MYRFL: variants seen among roughly 807,000 people sequenced by gnomAD.
The protein encoded by MYRFL is myelin regulatory factor like.
Under a neutral mutation model 109.4 loss-of-function variants are expected in MYRFL, and 88 were observed. That is an observed-to-expected ratio of 0.80 (90% CI 0.68 to 0.96). The LOEUF (loss-of-function observed/expected upper bound fraction) is 0.96, where lower values mean the gene tolerates loss of function less well. Among genes scored for constraint, MYRFL ranks in the 40% least tolerant of loss-of-function variants. The pLI, the probability that MYRFL is intolerant of heterozygous loss-of-function variation, is 0.00. For missense variants in MYRFL, 957 were observed against 954.9 expected, an observed-to-expected ratio of 1.00 and a Z score of -0.03; for synonymous variants, 324 against 320.9, an observed-to-expected ratio of 1.01 and a Z score of -0.10.
At chr12:69,956,673 C>T (rs568204664) in intron 22 of MYRFL, among the ~76,000 whole-genome samples, 5 of 152,104 alleles carry the variant, frequency 3.3e-5, no homozygotes, top group Admixed American at 2.6e-4. Flanking sequence ...TCTGCCTCTT[C>T]CTCCGTCTTA....
chr12:69,858,793 T>C (rs1320254754), intron 2 of MYRFL, among the ~76,000 whole-genome samples: 1 of 151,930 alleles, frequency 6.6e-6, no homozygotes, highest in Non-Finnish European at 1.5e-5. Context: ...ATAGGTAGCT[T>C]TTGATGTCAT....
chr12:69,861,452 A>G (rs940504921), intron 2 of MYRFL, among the ~76,000 whole-genome samples: 2 of 152,162 alleles, frequency 1.3e-5, no homozygotes, highest in African/African-American at 4.8e-5. Flanking sequence ...AACTGGTGTG[A>G]GATGGTATCT....
chr12:69,940,600 C>T (rs1184778368), intron 19 of MYRFL, among the ~76,000 whole-genome samples: 11 of 151,702 alleles, frequency 7.3e-5, no homozygotes, highest in Middle Eastern at 3.2e-3. Flanking sequence ...GCAAAATCAT[C>T]GAGGCTAGGA....
intron 2 of MYRFL, among the ~76,000 whole-genome samples, chr12:69,874,017 C>G (rs1256307775): frequency 1.3e-5 from 2 of 152,146 alleles, no homozygotes; most frequent in African/African-American, 4.8e-5. Context: ...TATTGTACCA[C>G]TTTACATAAA....
chr12:69,911,004 G>A (rs574150871), intron 13 of MYRFL, 74 bp downstream of exon 13: 9 of 1,000,474 alleles, frequency 9.0e-6, no homozygotes, highest in Non-Finnish European at 1.2e-5. Flanking sequence ...ATAGCACAAT[G>A]GGCTGAAACA....
rs139893210 is a variant in MYRFL, at chr12:69,866,809, G to A, written c.137+11439G>A. On this transcript the variant is annotated intron_variant, in intron 2 of 24. Transcript: ENST00000552032. ...GGACCAAATGCTCTATAAAAAACTT[G>A]TCCCATTAGATGCTGTGAGGAAAAA... Among the ~76,000 whole-genome samples, 282 of 152,250 alleles carry A rather than the reference G, an allele frequency of 1.9e-3. 2 individuals are homozygous for A. The highest frequency in any genetic ancestry group is 6.7e-3 in the African/African-American group (277 of 41,540).
intron 1 of MYRFL, among the ~76,000 whole-genome samples, chr12:69,838,421 T>C (rs1376208646): frequency 6.6e-6 from 1 of 152,184 alleles, no homozygotes; most frequent in East Asian, 1.9e-4. Flanking sequence ...GACTTTCTAA[T>C]AGGCCAAACC....
intron 1 of MYRFL, among the ~76,000 whole-genome samples, chr12:69,848,804 A>T (rs915613468): frequency 6.6e-6 from 1 of 152,224 alleles, no homozygotes; most frequent in Non-Finnish European, 1.5e-5. Context: ...TATTTCTAAC[A>T]TTAATGAAAA....
At chr12:69,830,100 T>C (rs1226001732) in intron 1 of MYRFL, among the ~76,000 whole-genome samples, 1 of 152,086 alleles carries the variant, frequency 6.6e-6, no homozygotes, top group African/African-American at 2.4e-5. Flanking sequence ...CTTACACCTC[T>C]GTAGAGTCTT....
chr12:69,861,850 T>C (rs1377958639), intron 2 of MYRFL, among the ~76,000 whole-genome samples: 1 of 151,456 alleles, frequency 6.6e-6, no homozygotes, highest in African/African-American at 2.4e-5. Flanking sequence ...TGGTAATGCC[T>C]AGGTTTTCTT....
At chr12:69,891,639 TTC>T (rs1391515046) in intron 7 of MYRFL, among the ~76,000 whole-genome samples, 1 of 71,294 alleles carries the variant, frequency 1.4e-5, no homozygotes, top group Non-Finnish European at 2.8e-5. Context: ...TCCTTTCTTT[TTC>T]TTTCTTTCTT....
chr12:69,882,318 AG>A (rs1211037884), intron 5 of MYRFL, among the ~76,000 whole-genome samples: 1 of 145,530 alleles, frequency 6.9e-6, no homozygotes, highest in Non-Finnish European at 1.5e-5. Context: ...AAAGAAAGAA[AG>A]AAAAAAAAGA....
intron 19 of MYRFL, among the ~76,000 whole-genome samples, chr12:69,948,089 A>G (rs1152954): frequency 0.2 from 30,038 of 152,134 alleles, 3,484 homozygotes; most frequent in Non-Finnish European, 0.27. Context: ...ACTGGAAGGC[A>G]TTTGTAAAAT....
intron 1 of MYRFL, among the ~76,000 whole-genome samples, chr12:69,846,060 A>T (rs1883511300): frequency 7.5e-6 from 1 of 133,890 alleles, no homozygotes; most frequent in African/African-American, 2.8e-5. Context: ...TCCTTGCCTT[A>T]GTTTAACCCT....
chr12:69,904,369 T>G (rs1276280109), intron 11 of MYRFL: 1 of 152,530 alleles, frequency 6.6e-6, no homozygotes, highest in Non-Finnish European at 1.5e-5. Context: ...GGTCAGTTCA[T>G]CGCCAAGAGT....
chr12:69,922,906 A>T (rs549880449), intron 13 of MYRFL, among the ~76,000 whole-genome samples: 3 of 152,228 alleles, frequency 2.0e-5, no homozygotes, highest in African/African-American at 7.2e-5. Flanking sequence ...TTTCTTCTTC[A>T]TTTATTCTCT....
intron 8 of MYRFL, among the ~76,000 whole-genome samples, chr12:69,894,290 GC>G (rs1469197729): frequency 2.6e-5 from 4 of 152,064 alleles, no homozygotes; most frequent in Admixed American, 2.6e-4. Flanking sequence ...GAGCCACAGT[GC>G]CCTGCCATTA....
At chr12:69,863,771 C>A (rs140285205) in intron 2 of MYRFL, among the ~76,000 whole-genome samples, 1 of 152,292 alleles carries the variant, frequency 6.6e-6, no homozygotes, top group East Asian at 1.9e-4. Context: ...TTCCACAATT[C>A]TTTCTGGCAT....
chr12:69,844,608 C>A (rs772015756), intron 1 of MYRFL, among the ~76,000 whole-genome samples: 4 of 152,146 alleles, frequency 2.6e-5, no homozygotes, highest in African/African-American at 9.7e-5. Context: ...CGTGAGAGCA[C>A]GATCAGTAGC....
Sources: allele counts gnomAD v4.1 joint callset (sites outside exome capture counted in the v4.1 genomes callset), GRCh38; gene constraint gnomAD v4.1.1; transcripts MANE v1.5; gene names NCBI Gene and HGNC (gene_info 2026-07-23, HGNC 2026-07-21).